The following COL8A1 variants were observed in gnomAD, a reference collection of about 807,000 sequenced individuals.
The protein encoded by COL8A1 is collagen type VIII alpha 1 chain.
Under a neutral mutation model 42.7 loss-of-function variants are expected in COL8A1, and 21 were observed. The observed-to-expected ratio is 0.49, with a 90% CI of 0.35 to 0.71. The LOEUF is 0.71. COL8A1 is among the 30% of genes least tolerant of loss of function. The pLI is 0.01. For synonymous variants in COL8A1, 367 were observed against 369.1 expected, an observed-to-expected ratio of 0.99 and a Z score of 0.06; for missense variants, 788 against 962.4, an observed-to-expected ratio of 0.82 and a Z score of 2.40.
chr3:99,684,174 G>T (rs1938978076), intron 1 of COL8A1, among the ~76,000 whole-genome samples: 1 of 152,138 alleles, frequency 6.6e-6, no homozygotes, highest in Non-Finnish European at 1.5e-5. Context: ...CAAATTTAGA[G>T]CATGAATTTA....
intron 2 of COL8A1, among the ~76,000 whole-genome samples, chr3:99,788,227 T>A (rs1941934125): frequency 6.6e-6 from 1 of 152,152 alleles, no homozygotes; most frequent in African/African-American, 2.4e-5. Flanking sequence ...CAAAGTTTAT[T>A]TAGATAAAGA....
At chr3:99,783,309 G>A (rs1372651908) in intron 2 of COL8A1, among the ~76,000 whole-genome samples, 3 of 152,166 alleles carry the variant, frequency 2.0e-5, no homozygotes, top group African/African-American at 4.8e-5. Flanking sequence ...CTCAAGTTTC[G>A]TTGGTCCCAT....
At chr3:99,666,969 G>A (rs1938385634) in intron 1 of COL8A1, among the ~76,000 whole-genome samples, 1 of 152,134 alleles carries the variant, frequency 6.6e-6, no homozygotes, top group East Asian at 1.9e-4. Context: ...AGCATGTTCT[G>A]TGGAGAGCAT....
chr3:99,767,190 TACAATACA>T (rs1941480918), intron 2 of COL8A1, among the ~76,000 whole-genome samples: 1 of 152,240 alleles, frequency 6.6e-6, no homozygotes, highest in Non-Finnish European at 1.5e-5. Flanking sequence ...TGACACTTTT[TACAATACA>T]ACTTCATTCA....
At chr3:99,722,098 T>C (rs1252522194) in intron 1 of COL8A1, among the ~76,000 whole-genome samples, 1 of 152,126 alleles carries the variant, frequency 6.6e-6, no homozygotes, top group Non-Finnish European at 1.5e-5. Context: ...TTTGATCATA[T>C]AATTTTTTTA....
chr3:99,710,496 C>T (rs1321287103), intron 1 of COL8A1, among the ~76,000 whole-genome samples: 5 of 152,150 alleles, frequency 3.3e-5, no homozygotes, highest in Admixed American at 1.3e-4. Context: ...TTGCCAGTGG[C>T]CCATAAGCAA....
At chr3:99,783,737 C>T (rs1329038216) in intron 2 of COL8A1, among the ~76,000 whole-genome samples, 1 of 152,194 alleles carries the variant, frequency 6.6e-6, no homozygotes, top group Non-Finnish European at 1.5e-5. Context: ...AGCACGTGCG[C>T]GCAAGGTGCG....
chr3:99,678,412 T>C (rs1938765354), intron 1 of COL8A1: 1 of 151,956 alleles, frequency 6.6e-6, no homozygotes, highest in African/African-American at 2.4e-5. Context: ...GAGAAGACTT[T>C]TAGAAGGAAA....
At chr3:99,655,083 A>T (rs1937975175) in intron 1 of COL8A1, among the ~76,000 whole-genome samples, 1 of 152,152 alleles carries the variant, frequency 6.6e-6, no homozygotes, top group Admixed American at 6.5e-5. Context: ...GTAAAAAGCC[A>T]CTTAGAGAAC....
chr3:99,654,101 C>T (rs1395247892), intron 1 of COL8A1, among the ~76,000 whole-genome samples: 4 of 152,174 alleles, frequency 2.6e-5, no homozygotes, highest in Admixed American at 2.6e-4. Context: ...AGCTGAAGAA[C>T]TTGAAGTCCA....
At chr3:99,653,125 G>T (rs987770711) in intron 1 of COL8A1, among the ~76,000 whole-genome samples, 1 of 152,174 alleles carries the variant, frequency 6.6e-6, no homozygotes, top group Non-Finnish European at 1.5e-5. Context: ...CTAGTCAGAA[G>T]GTGCTCAATA....
intron 1 of COL8A1, among the ~76,000 whole-genome samples, chr3:99,717,812 T>A (rs1940045389): frequency 6.6e-6 from 1 of 152,000 alleles, no homozygotes; most frequent in Admixed American, 6.6e-5. Context: ...GAGCTACATT[T>A]TTTGTTGTCA....
rs1473300706 is a variant in COL8A1 at position 99,663,901 on chromosome 3, A to C, written c.-129+25237A>C. Among the ~76,000 whole-genome samples the C allele has an allele frequency of 2.6e-5, 4 of 152,186 alleles. No individual in the cohort carries two copies. The East Asian group carries it at 5.8e-4, about 22-fold the overall frequency. On this transcript the variant is annotated intron_variant, in intron 1 of 3. Coordinates refer to ENST00000652472, the MANE Select transcript of COL8A1 (RefSeq NM_020351.4). ...TTAAATCTATGAGTTCTATCAAATT[A>C]TGTCCTGCCCTACCACTAATAAACT...
At chr3:99,770,203 A>G (rs1941551389) in intron 2 of COL8A1, among the ~76,000 whole-genome samples, 1 of 152,106 alleles carries the variant, frequency 6.6e-6, no homozygotes, top group Non-Finnish European at 1.5e-5. Flanking sequence ...AGGGCAGGAC[A>G]TGTTTGGAAT....
chr3:99,791,117 T>C, intron 3 of COL8A1, 107 bp downstream of exon 3: 1 of 1,040,480 alleles, frequency 9.6e-7, no homozygotes, highest in Non-Finnish European at 1.4e-6. Context: ...TTAGAATTTG[T>C]TACTGGCATT....
chr3:99,740,658 A>G (rs1940873701), intron 1 of COL8A1, among the ~76,000 whole-genome samples: 1 of 152,182 alleles, frequency 6.6e-6, no homozygotes, highest in African/African-American at 2.4e-5. Context: ...TGTGGGGATT[A>G]TGGAAACTAC....
chr3:99,776,319 G>T (rs566140998), intron 2 of COL8A1, among the ~76,000 whole-genome samples: 126 of 152,296 alleles, frequency 8.3e-4, no homozygotes, highest in Non-Finnish European at 1.4e-3. Context: ...AGCAGGACTG[G>T]GTTCTTTGTA....
chr3:99,688,925 A>G (rs1559779448), intron 1 of COL8A1, among the ~76,000 whole-genome samples: 1 of 152,108 alleles, frequency 6.6e-6, no homozygotes, highest in South Asian at 2.1e-4. Flanking sequence ...CTTTTACTAG[A>G]TGCCCATAGA....
At chr3:99,654,847 T>C (rs1306498197) in intron 1 of COL8A1, among the ~76,000 whole-genome samples, 1 of 152,198 alleles carries the variant, frequency 6.6e-6, no homozygotes, top group Admixed American at 6.5e-5. Context: ...GAAGATATTT[T>C]AGTTCATAAA....
Sources: gnomAD v4.1 joint callset for allele counts (sites outside exome capture counted in the v4.1 genomes callset) on GRCh38, gnomAD v4.1.1 for gene constraint, MANE v1.5 for transcripts, NCBI Gene and HGNC (gene_info 2026-07-23, HGNC 2026-07-21) for gene names.